The following SRBD1 variants were observed in gnomAD, a reference collection of about 807,000 sequenced individuals.
SRBD1 encodes the protein S1 RNA-binding domain-containing protein 1.
Under a neutral mutation model 115.3 loss-of-function variants are expected in SRBD1, and 88 were observed. The observed-to-expected ratio is 0.76, with a 90% CI of 0.64 to 0.91. The LOEUF (loss-of-function observed/expected upper bound fraction) is 0.91. Among genes scored for constraint, SRBD1 ranks in the 40% least tolerant of loss-of-function variants. The pLI, the probability that SRBD1 is intolerant of heterozygous loss-of-function variation, is 0.00. For synonymous variants in SRBD1, 509 were observed against 407.7 expected, an observed-to-expected ratio of 1.25 and a Z score of -2.99; for missense variants, 1,385 against 1,177.4, an observed-to-expected ratio of 1.18 and a Z score of -2.58.
chr2:45,535,055 C>T (rs1242972452), intron 14 of SRBD1, among the ~76,000 whole-genome samples: 2 of 151,962 alleles, frequency 1.3e-5, no homozygotes, highest in African/African-American at 2.4e-5. Flanking sequence ...CTTTCAAAAA[C>T]TTTTTTGGTT....
chr2:45,486,105 A>C (rs1670110885), intron 15 of SRBD1, among the ~76,000 whole-genome samples: 1 of 152,120 alleles, frequency 6.6e-6, no homozygotes, highest in African/African-American at 2.4e-5. Context: ...ATTATCTTCT[A>C]TTTTCATAGA....
At chr2:45,421,828 G>T (rs1668016946) in intron 16 of SRBD1, among the ~76,000 whole-genome samples, 1 of 152,138 alleles carries the variant, frequency 6.6e-6, no homozygotes, top group Non-Finnish European at 1.5e-5. Flanking sequence ...GTATTTCAGA[G>T]ATAACTTATT....
chr2:45,469,282 T>C (rs1490573944), intron 16 of SRBD1, among the ~76,000 whole-genome samples: 1 of 152,164 alleles, frequency 6.6e-6, no homozygotes, highest in African/African-American at 2.4e-5. Context: ...CATATAATTA[T>C]TAGTTTTAAA....
chr2:45,522,999 C>A (rs750928853), intron 14 of SRBD1, among the ~76,000 whole-genome samples: 2 of 151,690 alleles, frequency 1.3e-5, no homozygotes, highest in Non-Finnish European at 2.9e-5. Flanking sequence ...CAGATGTATT[C>A]TAAAATCTGA....
rs777010352 is a variant in SRBD1 at position 45,581,799 on chromosome 2, T to G, written c.827A>C (p.Lys276Thr). 8 of 1,612,094 alleles carry G rather than the reference T, an allele frequency of 5.0e-6. No homozygotes were observed. In the South Asian group the frequency reaches 8.8e-5, roughly 18 times the overall value. ...QTLEELRAVAKKVHSTIQKIK... is the reference protein window; with the variant it reads ...QTLEELRAVATKVHSTIQKIK... ...TTTCTGGATTGTACTATGAACTTTC[T>G]TTGCAACAGCCCTGAAAAGAGAAAC... The change falls in exon 6 of 21, where the codon AAG becomes ACG. Residue 276 changes from lysine (K) to threonine (T), a missense_variant. Lys to Thr is a moderately conservative substitution (Grantham distance 78, BLOSUM62 -1). Transcript: ENST00000263736.
At chr2:45,561,385 G>A (rs1169801549) in intron 10 of SRBD1, among the ~76,000 whole-genome samples, 2 of 152,174 alleles carry the variant, frequency 1.3e-5, no homozygotes, top group African/African-American at 4.8e-5. Flanking sequence ...TGCTTAGTTA[G>A]TAGTATTTGG....
chr2:45,550,365 C>T (rs1672257792), intron 12 of SRBD1, among the ~76,000 whole-genome samples: 1 of 151,602 alleles, frequency 6.6e-6, no homozygotes, highest in Non-Finnish European at 1.5e-5. Flanking sequence ...CACTGAAGCA[C>T]ATCATAAGAA....
intron 3 of SRBD1, among the ~76,000 whole-genome samples, chr2:45,600,200 C>T (rs1345570882): frequency 6.6e-6 from 1 of 151,982 alleles, no homozygotes; most frequent in Non-Finnish European, 1.5e-5. Context: ...CATATACATA[C>T]ACATGAATGA....
At chr2:45,547,025 T>C (rs1224408257) in intron 13 of SRBD1, among the ~76,000 whole-genome samples, 186 bp from the exon 14 acceptor site, 1 of 152,196 alleles carries the variant, frequency 6.6e-6, no homozygotes, top group Non-Finnish European at 1.5e-5. Flanking sequence ...CTGCCCTGCA[T>C]TTGGTATAGG....
chr2:45,595,892 C>A (rs1673879952), intron 4 of SRBD1, among the ~76,000 whole-genome samples: 1 of 152,120 alleles, frequency 6.6e-6, no homozygotes, highest in Non-Finnish European at 1.5e-5. Flanking sequence ...TCAGATTGCT[C>A]AGCAAAGGTG....
At chr2:45,488,640 G>T (rs1215122510) in intron 14 of SRBD1, among the ~76,000 whole-genome samples, 1 of 152,074 alleles carries the variant, frequency 6.6e-6, no homozygotes, top group Non-Finnish European at 1.5e-5. Context: ...ACTCTCCCAT[G>T]ATGCCAACTT....
At chr2:45,539,125 A>C (rs561136777) in intron 14 of SRBD1, among the ~76,000 whole-genome samples, 32 of 152,298 alleles carry the variant, frequency 2.1e-4, no homozygotes, top group Middle Eastern at 6.8e-3. Flanking sequence ...GAAAATTTAA[A>C]ATACAAAACC....
At chr2:45,594,781 A>T (rs918979610) in intron 4 of SRBD1, among the ~76,000 whole-genome samples, 1 of 152,202 alleles carries the variant, frequency 6.6e-6, no homozygotes, top group African/African-American at 2.4e-5. Context: ...TTAGTCACCA[A>T]ACTAAAACAA....
rs144108756 is a variant in SRBD1, at chr2:45,437,357, TA to T, written c.2050-17464del. On this transcript the variant is annotated intron_variant, in intron 16 of 20. Transcript: ENST00000263736. The stretch of plus-strand genomic sequence containing the variant: ...TAATCAAGACACTGCAGTATTGGTT[TA>T]AAAAAAAAAAAAAAAAGACAAATAG... 9.9e-3 allele frequency among the ~76,000 whole-genome samples: 1,325 copies of T among 133,932 alleles called. 33 individuals are homozygous for T. Among genetic ancestry groups the T allele is most frequent in the East Asian group, 0.09 (426 of 4,730 alleles). The allele number at this position is 133,932 out of a possible 152,430, so 87.9% of individuals were successfully genotyped here. A position where few individuals can be genotyped will look rare whatever the true frequency, so the allele number is the denominator to read the frequency against.
At chr2:45,590,398 G>C (rs972868260) in intron 4 of SRBD1, among the ~76,000 whole-genome samples, 1 of 152,164 alleles carries the variant, frequency 6.6e-6, no homozygotes, top group Admixed American at 6.5e-5. Flanking sequence ...TTAGCCACAA[G>C]AGTAGAAATT....
intron 14 of SRBD1, among the ~76,000 whole-genome samples, chr2:45,545,573 C>T (rs965422472): frequency 2.6e-5 from 4 of 152,124 alleles, no homozygotes; most frequent in Non-Finnish European, 4.4e-5. Context: ...GAACCAGCTA[C>T]ATCAGTGCTT....
intron 14 of SRBD1, among the ~76,000 whole-genome samples, chr2:45,533,028 C>A (rs1671661019): frequency 6.6e-6 from 1 of 152,010 alleles, no homozygotes; most frequent in South Asian, 2.1e-4. Context: ...CCTAGATATT[C>A]CCTCAATAAG....
rs139641520 is a variant in SRBD1 at position 45,419,811 on chromosome 2, G to A, written c.2133C>T (p.Asn711=). The A allele has an allele frequency of 2.5e-6, 4 of 1,613,796 alleles. No homozygotes were observed. The highest frequency in any genetic ancestry group is 2.7e-5 in the African/African-American group (2 of 75,052). ...ACCTTAACAAAACTTCTGAACAGAT[G>A]TTAATATCCACTCCCACAAAGCTGA... ...ECVSFVGVDI[N]ICSEVLLRHI... The change falls in exon 17 of 21, where the codon AAC becomes AAT. Residue 711 remains asparagine, a synonymous_variant. Coordinates refer to ENST00000263736, the MANE Select transcript of SRBD1 (RefSeq NM_018079.5).
chr2:45,405,430 CAT>C (rs904977367), intron 19 of SRBD1, among the ~76,000 whole-genome samples: 3 of 152,102 alleles, frequency 2.0e-5, no homozygotes, highest in African/African-American at 7.2e-5. Context: ...ATTTTAGAAA[CAT>C]AGAGTTTCCA....
Sources: allele counts gnomAD v4.1 joint callset (sites outside exome capture counted in the v4.1 genomes callset), GRCh38; gene constraint gnomAD v4.1.1; transcripts MANE v1.5; gene names NCBI Gene and HGNC (gene_info 2026-07-23, HGNC 2026-07-21).